ZNF431: variants seen among roughly 807,000 people sequenced by gnomAD.
ZNF431 encodes the protein zinc finger protein 431.
ZNF431 carries 34 observed loss-of-function variants against 57.0 expected under a neutral mutation model. The ratio of observed to expected loss-of-function variants is 0.60; its 90% CI spans 0.45 to 0.79. The LOEUF is 0.79. ZNF431 is among the 30% of genes least tolerant of loss of function. The pLI, the probability that ZNF431 is intolerant of heterozygous loss-of-function variation, is 0.00. For missense variants in ZNF431, 607 were observed against 667.1 expected (o/e 0.91, Z 0.99); for synonymous variants, 207 against 220.3 (o/e 0.94, Z 0.54).
intron 2 of ZNF431, among the ~76,000 whole-genome samples, chr19:21,157,848 A>T (rs368021961): frequency 8.0e-5 from 11 of 137,680 alleles, no homozygotes; most frequent in South Asian, 4.7e-4. Context: ...TTTTTAATGA[A>T]TTTTTTTTTT....
At chr19:21,170,339 T>A (rs1430182449) in intron 4 of ZNF431, among the ~76,000 whole-genome samples, 1 of 152,164 alleles carries the variant, frequency 6.6e-6, no homozygotes, top group African/African-American at 2.4e-5. Context: ...AATAAATTTT[T>A]TTTTGTGGCG....
In ZNF431 at chr19:21,185,302, C is replaced by T. The variant is rs1971339973; in HGVS notation, c.*1268C>T. The T allele has an allele frequency of 6.6e-6, 1 of 152,050 alleles. No homozygotes were observed. Among genetic ancestry groups the T allele is most frequent in the Non-Finnish European group, 1.5e-5 (1 of 68,028 alleles). 9.4% of individuals were successfully genotyped at this position (152,050 alleles called of 1,614,324 possible). ...GAGTTATAATTACATTCAAAGTATA[C>T]TTTATTTCTTGAAAAATATTACAGA... On this transcript the variant is annotated 3_prime_UTR_variant, in exon 5 of 5. Coordinates refer to ENST00000311048, the MANE Select transcript of ZNF431 (RefSeq NM_133473.4).
chr19:21,183,387 CATAAG>C lies in ZNF431; in HGVS notation c.1089_1093del (p.Lys363AsnfsTer11), dbSNP rs1971268939. 1 of 1,613,622 alleles carries C rather than the reference CATAAG, an allele frequency of 6.2e-7. No individual in the cohort carries two copies. Among genetic ancestry groups the C allele is most frequent in the African/African-American group, 1.3e-5 (1 of 74,998 alleles). ...TAATCGATTCTCATACCTTACTAAA[CATAAG>C]ATAATTCATACTGGAGAAAAATCTT... On this transcript the variant is annotated frameshift_variant, in exon 5 of 5. Transcript: ENST00000311048. LOFTEE classifies it high-confidence loss of function.
intron 2 of ZNF431, chr19:21,150,173 G>A: frequency 1.7e-6 from 1 of 591,368 alleles, no homozygotes; most frequent in Non-Finnish European, 3.2e-6. Flanking sequence ...CTGAGTAGCT[G>A]TTTGGTGGTC....
intron 4 of ZNF431, among the ~76,000 whole-genome samples, chr19:21,171,830 C>T (rs555174499): frequency 4.3e-4 from 65 of 150,168 alleles, no homozygotes; most frequent in Middle Eastern, 3.4e-3. Flanking sequence ...AAGTGATTCT[C>T]CTGCCTCAGC....
In ZNF431 at chr19:21,183,811, A is replaced by C; in HGVS notation, c.1508A>C (p.Lys503Thr). 1 of 1,614,042 alleles carries C rather than the reference A, an allele frequency of 6.2e-7. No homozygotes were observed. Among genetic ancestry groups the C allele is most frequent in the South Asian group, 1.1e-5 (1 of 91,078 alleles). ...FNRSSNLTKH[K>T]IIHTGEKSYK... ...CGATCCTCAAATCTTACTAAACATA[A>C]GATAATTCATACAGGAGAGAAATCT... The change falls in exon 5 of 5, where the codon AAG (lysine) becomes ACG (threonine). Residue 503 changes from lysine (K) to threonine (T), a missense_variant. Coordinates refer to ENST00000311048, the MANE Select transcript of ZNF431 (RefSeq NM_133473.4).
intron 2 of ZNF431, among the ~76,000 whole-genome samples, chr19:21,146,067 T>C (rs958914976): frequency 3.3e-5 from 5 of 151,926 alleles, no homozygotes; most frequent in Admixed American, 6.6e-5. Context: ...AATAAGAAAA[T>C]GTGCAGAGTT....
intron 4 of ZNF431, among the ~76,000 whole-genome samples, chr19:21,173,818 C>G (rs950706575): frequency 6.6e-6 from 1 of 152,088 alleles, no homozygotes; most frequent in African/African-American, 2.4e-5. Flanking sequence ...TGAGCCACCA[C>G]GCCTGGCCTC....
intron 2 of ZNF431, chr19:21,149,819 G>T: frequency 1.5e-6 from 1 of 652,966 alleles, no homozygotes; most frequent in Non-Finnish European, 2.8e-6. Flanking sequence ...TTTGTCTTCT[G>T]AGTTAACCTG....
intron 2 of ZNF431, among the ~76,000 whole-genome samples, chr19:21,143,944 T>C (rs1364366940): frequency 2.6e-5 from 4 of 151,280 alleles, no homozygotes; most frequent in East Asian, 1.9e-4. Context: ...CAAAGTAAAA[T>C]GCACCTGGAG....
chr19:21,157,633 G>A (rs961373015), intron 2 of ZNF431, among the ~76,000 whole-genome samples: 2 of 151,922 alleles, frequency 1.3e-5, no homozygotes, highest in Non-Finnish European at 2.9e-5. Context: ...CTAGGTTCAA[G>A]CTATTCTCCT....
intron 4 of ZNF431, among the ~76,000 whole-genome samples, chr19:21,173,959 T>C (rs1338396328): frequency 6.6e-6 from 1 of 150,448 alleles, no homozygotes; most frequent in Non-Finnish European, 1.5e-5. Flanking sequence ...TTTTTTTTCT[T>C]TTTTTTTTGG....
intron 2 of ZNF431, among the ~76,000 whole-genome samples, chr19:21,148,073 G>T (rs1970154888): frequency 6.6e-6 from 1 of 151,368 alleles, no homozygotes; most frequent in Admixed American, 6.6e-5. Flanking sequence ...TCAGCTCACT[G>T]GAACCTCTGC....
rs1971595214 is a variant in ZNF431 at position 21,195,773 on chromosome 19, T to G, written c.*11739T>G. On this transcript the variant is annotated 3_prime_UTR_variant, in exon 5 of 5. Transcript: ENST00000311048. ...ATATGTTCTAGTGTCTTCTTGCAGATTTAAATATTTTATTGCAGTGTAAAG... is the reference window on the plus strand; with the variant it reads ...ATATGTTCTAGTGTCTTCTTGCAGAGTTAAATATTTTATTGCAGTGTAAAG... 1 of 152,228 alleles carries G rather than the reference T, an allele frequency of 6.6e-6. No individual in the cohort carries two copies. Among genetic ancestry groups the G allele is most frequent in the South Asian group, 2.1e-4 (1 of 4,834 alleles). The allele number at this position is 152,228 out of a possible 1,614,324, so 9.4% of individuals were successfully genotyped here. A position where few individuals can be genotyped will look rare whatever the true frequency, so the allele number is the denominator to read the frequency against.
intron 2 of ZNF431, among the ~76,000 whole-genome samples, chr19:21,165,306 T>C (rs1970692489): frequency 1.3e-5 from 2 of 152,164 alleles, no homozygotes; most frequent in African/African-American, 4.8e-5. Flanking sequence ...TATAATGTTG[T>C]GGTTTCATCT....
intron 4 of ZNF431, among the ~76,000 whole-genome samples, chr19:21,180,459 A>G (rs1971178184): frequency 6.6e-6 from 1 of 151,826 alleles, no homozygotes; most frequent in Non-Finnish European, 1.5e-5. Context: ...TATTTTGTTA[A>G]TTGTTGTATT....
intron 4 of ZNF431, among the ~76,000 whole-genome samples, chr19:21,175,720 C>T (rs542007945): frequency 6.6e-6 from 1 of 152,308 alleles, no homozygotes; most frequent in South Asian, 2.1e-4. Context: ...ATAATGGCTT[C>T]CAGCTCCATC....
In ZNF431 at chr19:21,175,527, T is replaced by C. The variant is rs369495239; in HGVS notation, c.320-7096T>C. 1,945 of 666,138 alleles carry C rather than the reference T, an allele frequency of 2.9e-3. 37 individuals carry two copies. The highest frequency in any genetic ancestry group is 0.024 in the South Asian group (1,452 of 60,368). 41.3% of individuals were successfully genotyped at this position (666,138 alleles called of 1,614,324 possible). On this transcript the variant is annotated intron_variant, in intron 4 of 4. Coordinates refer to ENST00000311048, the MANE Select transcript of ZNF431 (RefSeq NM_133473.4). ...TGGTGGTTTGCTGCACCTATTAACC[T>C]CTCACCTCGGTGATAAGCCCTGCAT...
At chr19:21,167,858 T>C (rs1379542803) in intron 4 of ZNF431, among the ~76,000 whole-genome samples, 192 bp downstream of exon 4, 1 of 152,216 alleles carries the variant, frequency 6.6e-6, no homozygotes, top group Non-Finnish European at 1.5e-5. Flanking sequence ...TTAAATTCTC[T>C]AAGAATTCTA....
Sources: gnomAD v4.1 joint callset for allele counts (sites outside exome capture counted in the v4.1 genomes callset) on GRCh38, gnomAD v4.1.1 for gene constraint, MANE v1.5 for transcripts, NCBI Gene and HGNC (gene_info 2026-07-23, HGNC 2026-07-21) for gene names.